Variants in ISX observed in about 807,000 individuals in gnomAD.
ISX encodes the protein intestine-specific homeobox.
In ISX, 15 loss-of-function variants were observed where a neutral mutation model predicts 16.9. The observed-to-expected ratio is 0.89, with a 90% CI of 0.59 to 1.36. ISX has a LOEUF of 1.36. Among genes scored for constraint, ISX ranks in the 40% most tolerant of loss-of-function variants. ISX has a pLI of 0.00. For missense variants in ISX, 316 were observed against 306.1 expected (o/e 1.03, Z -0.24); for synonymous variants, 125 against 119.7 (o/e 1.04, Z -0.29).
At chr22:35,071,132 G>C (rs1017065047) in intron 2 of ISX, among the ~76,000 whole-genome samples, 1 of 152,024 alleles carries the variant, frequency 6.6e-6, no homozygotes, top group South Asian at 2.1e-4. Context: ...CACCCTCCCC[G>C]GCCCTGTCTA....
At chr22:35,078,203 A>G (rs1481713469) in intron 2 of ISX, among the ~76,000 whole-genome samples, 5 of 148,098 alleles carry the variant, frequency 3.4e-5, no homozygotes, top group African/African-American at 1.3e-4. Context: ...ACAGAACTGC[A>G]CTATATCATT....
At chr22:35,081,430 A>G (rs28562675) in intron 2 of ISX, among the ~76,000 whole-genome samples, 2 of 152,188 alleles carry the variant, frequency 1.3e-5, no homozygotes, top group Non-Finnish European at 2.9e-5. Context: ...GCATATTGTC[A>G]CCATCTTGAA....
chr22:35,070,896 G>A (rs146119509), intron 2 of ISX, among the ~76,000 whole-genome samples: 51 of 152,342 alleles, frequency 3.3e-4, no homozygotes, highest in Non-Finnish European at 4.1e-4. Context: ...GATGGTCTCT[G>A]TCACAATTAC....
chr22:35,070,338 C>T (rs949614590), intron 2 of ISX, among the ~76,000 whole-genome samples: 3 of 152,218 alleles, frequency 2.0e-5, no homozygotes, highest in African/African-American at 7.2e-5. Context: ...AGAGGGAAGC[C>T]CTCCAAAACT....
chr22:35,082,618 C>G lies in ISX; in HGVS notation c.330C>G (p.His110Gln). 6.2e-7 allele frequency: 1 copy of G among 1,614,200 alleles called. No homozygotes were observed. The highest frequency in any genetic ancestry group is 8.5e-7 in the Non-Finnish European group (1 of 1,180,028). Reference protein sequence around the residue: ...IFHFTHYPDVHIRSQLAARIN... With the variant: ...IFHFTHYPDVQIRSQLAARIN... ...ACTTTACCCACTACCCAGACGTTCACATCCGCAGCCAGCTGGCAGCCAGGA... is the reference window on the plus strand; with the variant it reads ...ACTTTACCCACTACCCAGACGTTCAGATCCGCAGCCAGCTGGCAGCCAGGA... The change falls in exon 3 of 5, where the codon CAC becomes CAG. Residue 110 changes from histidine to glutamine, a missense_variant. By Grantham distance (24) the His-to-Gln change is conservative. Transcript: ENST00000404699.
chr22:35,069,710 C>T (rs1025374104), intron 2 of ISX, among the ~76,000 whole-genome samples: 8 of 152,176 alleles, frequency 5.3e-5, no homozygotes, highest in African/African-American at 1.9e-4. Flanking sequence ...CTGGCTGATG[C>T]TTCTCTACTT....
chr22:35,075,752 T>G (rs1298242380), intron 2 of ISX, among the ~76,000 whole-genome samples: 1 of 152,190 alleles, frequency 6.6e-6, no homozygotes, highest in Non-Finnish European at 1.5e-5. Flanking sequence ...AGCTTCACAC[T>G]GCCTAGAGAG....
At chr22:35,082,371 A>C (rs1929140102) in intron 2 of ISX, 147 bp from the exon 3 acceptor site, 2 of 715,698 alleles carry the variant, frequency 2.8e-6, no homozygotes, top group Admixed American at 2.4e-5. Flanking sequence ...TAGGAAAGAG[A>C]ATACTGTGAA....
intron 3 of ISX, 96 bp from the exon 4 acceptor site, chr22:35,084,287 A>T (rs1929192309): frequency 3.8e-6 from 3 of 789,104 alleles, no homozygotes; most frequent in South Asian, 3.3e-5. Flanking sequence ...TATAAAGTAC[A>T]GTCCCTTGGA....
At chr22:35,068,827 A>C (rs1041122387) in intron 2 of ISX, among the ~76,000 whole-genome samples, 1 of 152,158 alleles carries the variant, frequency 6.6e-6, no homozygotes, top group Admixed American at 6.5e-5. Context: ...TTTTGTGGCC[A>C]TTTTCCCATC....
rs1378198060 is a variant in ISX, at chr22:35,066,807, T to C, written c.-281T>C. Reference sequence around the variant, plus strand: ...GCAACTGTGTCCGAGAAGACCCTTCTCTGGAAGATTGAACCCCAATTCAGC... The same window carrying C: ...GCAACTGTGTCCGAGAAGACCCTTCCCTGGAAGATTGAACCCCAATTCAGC... On this transcript the variant is annotated 5_prime_UTR_variant, in exon 2 of 5. Transcript: ENST00000404699. 1 of 394,890 alleles carries C rather than the reference T, an allele frequency of 2.5e-6. No individual in the cohort carries two copies. Among genetic ancestry groups the C allele is most frequent in the Non-Finnish European group, 4.5e-6 (1 of 219,940 alleles). 24.5% of individuals were successfully genotyped at this position (394,890 alleles called of 1,614,324 possible).
intron 2 of ISX, among the ~76,000 whole-genome samples, chr22:35,070,454 C>G (rs1363839788): frequency 6.6e-6 from 1 of 152,214 alleles, no homozygotes; most frequent in African/African-American, 2.4e-5. Flanking sequence ...GCATCTCTAC[C>G]ACTGATAATC....
At position 35,086,116 on chromosome 22, in the gene ISX, G is replaced by A. The variant is rs1929249782; in HGVS notation, c.*423G>A. 3.7e-6 allele frequency: 1 copy of A among 272,956 alleles called. No individual in the cohort carries two copies. The highest frequency in any genetic ancestry group is 4.4e-5 in the South Asian group (1 of 22,652). The allele number at this position is 272,956 out of a possible 1,614,324, so 16.9% of individuals were successfully genotyped here. A position where few individuals can be genotyped will look rare whatever the true frequency, so the allele number is the denominator to read the frequency against. On this transcript the variant is annotated 3_prime_UTR_variant, in exon 5 of 5. Coordinates refer to ENST00000404699, the MANE Select transcript of ISX (RefSeq NM_001303508.2). ...TGGTGGGCACTGAGGCACAGAGGAG[G>A]CCAAGGAGAGGTTGTTTGTTCATGC...
chr22:35,085,667 G>T lies in ISX; in HGVS notation c.712G>T (p.Gly238Cys), dbSNP rs200613012. Residue 238 changes from glycine to cysteine, a missense_variant, in exon 5 of 5, where the codon GGC becomes TGC. Coordinates refer to ENST00000404699, the MANE Select transcript of ISX (RefSeq NM_001303508.2). ...CILPPPHPKW[G>C]SICATST ...CCTTCCACCTCCACACCCCAAATGG[G>T]GCAGCATCTGTGCTACTTCAACATA... 4.4e-5 allele frequency: 71 copies of T among 1,614,002 alleles called. No individual in the cohort carries two copies. The highest frequency in any genetic ancestry group is 1.0e-4 in the Admixed American group (6 of 59,994).
rs978661759 is a variant in ISX at position 35,070,497 on chromosome 22, G to A, written c.229+3181G>A. The stretch of plus-strand genomic sequence containing the variant: ...GGGAAATCATAGGCCCCAGGCGAAA[G>A]GTGATAGAAAATTGACAAGGAAGAC... On this transcript the variant is annotated intron_variant, in intron 2 of 4. Coordinates refer to ENST00000404699, the MANE Select transcript of ISX (RefSeq NM_001303508.2). Among the ~76,000 whole-genome samples, 5 of 152,234 alleles carry A rather than the reference G, an allele frequency of 3.3e-5. No homozygotes were observed. The East Asian group carries it at 7.7e-4, about 23-fold the overall frequency.
At chr22:35,068,033 C>T (rs986831142) in intron 2 of ISX, among the ~76,000 whole-genome samples, 1 of 152,228 alleles carries the variant, frequency 6.6e-6, no homozygotes, top group Admixed American at 6.5e-5. Context: ...CAGTCAGGAA[C>T]CCAGGATGTG....
intron 4 of ISX, 60 bp downstream of exon 4, chr22:35,084,559 C>G: frequency 8.5e-7 from 1 of 1,178,298 alleles, no homozygotes; most frequent in South Asian, 1.3e-5. Flanking sequence ...ATATCCCAGT[C>G]AGACCCAGAT....
rs1929197474 is a variant in ISX, at chr22:35,084,436, C to T, written c.435C>T (p.Asn145=). 4 of 1,613,752 alleles carry T rather than the reference C, an allele frequency of 2.5e-6. No homozygotes were observed. The highest frequency in any genetic ancestry group is 3.4e-6 in the Non-Finnish European group (4 of 1,179,820). Residue 145 remains asparagine, a synonymous_variant, in exon 4 of 5, where the codon AAC becomes AAT. Coordinates refer to ENST00000404699, the MANE Select transcript of ISX (RefSeq NM_001303508.2). ...AKWRKQEKIG[N]LGAPQQLSEA... is the part of the protein sequence containing the mutation. ...GGCGGAAGCAGGAGAAGATTGGCAA[C>T]CTGGGGGCTCCACAGCAGCTGAGTG...
At chr22:35,078,701 G>A (rs1041707061) in intron 2 of ISX, among the ~76,000 whole-genome samples, 12 of 152,164 alleles carry the variant, frequency 7.9e-5, no homozygotes, top group African/African-American at 2.7e-4. Context: ...AAAAATGAGG[G>A]CTAGTAGAAG....
Sources: allele counts gnomAD v4.1 joint callset (sites outside exome capture counted in the v4.1 genomes callset), GRCh38; gene constraint gnomAD v4.1.1; transcripts MANE v1.5; gene names NCBI Gene and HGNC (gene_info 2026-07-23, HGNC 2026-07-21).